Variants in EPHB1 observed in about 807,000 individuals in gnomAD.
EPHB1 encodes the protein ephrin type-B receptor 1.
Under a neutral mutation model 94.4 loss-of-function variants are expected in EPHB1, and 30 were observed. That is an observed-to-expected ratio of 0.32 (90% confidence interval 0.24 to 0.43). The LOEUF (loss-of-function observed/expected upper bound fraction) is 0.43. Among genes scored for constraint, EPHB1 ranks in the 20% least tolerant of loss-of-function variants. EPHB1 has a pLI of 1.00. For synonymous variants in EPHB1, 522 were observed against 489.1 expected (o/e 1.07, Z -0.89); for missense variants, 1,055 against 1,308.3 (o/e 0.81, Z 2.99).
At chr3:134,982,673 AT>A (rs1375432750) in intron 3 of EPHB1, among the ~76,000 whole-genome samples, 2 of 152,222 alleles carry the variant, frequency 1.3e-5, no homozygotes, top group Non-Finnish European at 2.9e-5. Context: ...AAAAGGAAAT[AT>A]TTTTGAAAAA....
At chr3:135,254,852 CTT>C (rs955347484) in intron 15 of EPHB1, among the ~76,000 whole-genome samples, 1 of 151,976 alleles carries the variant, frequency 6.6e-6, no homozygotes, top group Admixed American at 6.6e-5. Flanking sequence ...GTCCTGGACT[CTT>C]TTTGGTTGGT....
intron 12 of EPHB1, among the ~76,000 whole-genome samples, chr3:135,234,992 A>G (rs1022904582): frequency 6.6e-6 from 1 of 151,620 alleles, no homozygotes; most frequent in African/African-American, 2.4e-5. Flanking sequence ...TTGCTCATCA[A>G]CACAAATACC....
intron 1 of EPHB1, among the ~76,000 whole-genome samples, chr3:134,864,072 T>C (rs1223432088): frequency 6.6e-6 from 1 of 152,210 alleles, no homozygotes; most frequent in East Asian, 1.9e-4. Context: ...TCCTGTCCTC[T>C]GTCCTCTAAG....
At chr3:134,855,407 A>C (rs1283857913) in intron 1 of EPHB1, among the ~76,000 whole-genome samples, 1 of 152,158 alleles carries the variant, frequency 6.6e-6, no homozygotes, top group Non-Finnish European at 1.5e-5. Flanking sequence ...CACACTGGAG[A>C]GAAGTTCAAA....
At chr3:134,837,173 G>T (rs2036686834) in intron 1 of EPHB1, among the ~76,000 whole-genome samples, 1 of 152,186 alleles carries the variant, frequency 6.6e-6, no homozygotes, top group African/African-American at 2.4e-5. Flanking sequence ...CGAGCAACCA[G>T]TGCATCAGGT....
At chr3:135,082,714 A>C (rs1041229211) in intron 3 of EPHB1, among the ~76,000 whole-genome samples, 1 of 152,240 alleles carries the variant, frequency 6.6e-6, no homozygotes, top group Admixed American at 6.5e-5. Context: ...TGTGAGCAAA[A>C]TATTGGAACA....
At chr3:134,893,346 G>A (rs879547929) in intron 1 of EPHB1, among the ~76,000 whole-genome samples, 14 of 152,180 alleles carry the variant, frequency 9.2e-5, no homozygotes, top group Admixed American at 3.3e-4. Flanking sequence ...ACACTTCAGT[G>A]GTTTCCTTTT....
At chr3:134,978,132 C>G in intron 3 of EPHB1, 1 of 388,298 alleles carries the variant, frequency 2.6e-6, no homozygotes, top group Non-Finnish European at 5.0e-6. Flanking sequence ...CCTTTCTCCC[C>G]TCAGAAGCCC....
At position 134,958,311 on chromosome 3, in the gene EPHB1, C is replaced by T. The variant is rs79169948; in HGVS notation, c.805+6259C>T. ...AGCTCTTCTTGGAAAAAGAGGTTTTCGGGGCCTGCTTCCATCTCCCTTAGG... is the reference window on the plus strand; with the variant it reads ...AGCTCTTCTTGGAAAAAGAGGTTTTTGGGGCCTGCTTCCATCTCCCTTAGG... On this transcript the variant is annotated intron_variant, in intron 3 of 15. Transcript: ENST00000398015. Among the ~76,000 whole-genome samples, 928 of 152,176 alleles carry T rather than the reference C, an allele frequency of 6.1e-3. 3 individuals are homozygous for T. Among genetic ancestry groups the T allele is most frequent in the African/African-American group, 0.02 (843 of 41,510 alleles).
intron 3 of EPHB1, among the ~76,000 whole-genome samples, chr3:135,004,215 T>G (rs1935300750): frequency 6.6e-6 from 1 of 150,572 alleles, no homozygotes; most frequent in Admixed American, 6.6e-5. Flanking sequence ...CCTTCACTTA[T>G]GAAGCTTAGT....
Position 134,861,594 on chromosome 3 carries a change from C to T in EPHB1, c.59-64222C>T, listed in dbSNP as rs1002500098. 5.9e-5 allele frequency among the ~76,000 whole-genome samples: 9 copies of T among 151,994 alleles called. No individual in the cohort carries two copies. In the South Asian group the frequency reaches 1.0e-3, roughly 18 times the overall value. On this transcript the variant is annotated intron_variant, in intron 1 of 15. Coordinates refer to ENST00000398015, the MANE Select transcript of EPHB1 (RefSeq NM_004441.5). ...GAGGAAAAACTGTGTGAAAGAGTTA[C>T]GGAAGGGATGGGAGCGGGGAGAGTG...
rs553545620 is a variant in EPHB1 at position 134,965,691 on chromosome 3, C to T, written c.805+13639C>T. Among the ~76,000 whole-genome samples the T allele has an allele frequency of 3.3e-5, 5 of 152,258 alleles. No individual in the cohort carries two copies. The South Asian group carries it at 6.2e-4, about 19-fold the overall frequency. On this transcript the variant is annotated intron_variant, in intron 3 of 15. Transcript: ENST00000398015. The stretch of plus-strand genomic sequence containing the variant: ...TCAAAGGGTCGACTACCCTTCTGCC[C>T]GCTTGTAGAGAGAGCCTAAATTCGA...
At chr3:134,863,824 G>T (rs1415618562) in intron 1 of EPHB1, among the ~76,000 whole-genome samples, 1 of 152,212 alleles carries the variant, frequency 6.6e-6, no homozygotes, top group African/African-American at 2.4e-5. Flanking sequence ...CTGGCATCCT[G>T]TTCTGTCCAG....
chr3:135,035,141 T>C (rs530438894), intron 3 of EPHB1, among the ~76,000 whole-genome samples: 7 of 152,328 alleles, frequency 4.6e-5, no homozygotes, highest in Admixed American at 2.0e-4. Context: ...TGGAGTCACA[T>C]GGCCTTAGCC....
chr3:135,010,713 G>A (rs367562334), intron 3 of EPHB1, among the ~76,000 whole-genome samples: 156 of 152,044 alleles, frequency 1.0e-3, no homozygotes, highest in South Asian at 1.9e-3. Flanking sequence ...ACAGGCAAGC[G>A]CCACCACGCC....
In EPHB1 at chr3:134,934,565, G is replaced by C. The variant is rs968104292; in HGVS notation, c.123+8685G>C. On this transcript the variant is annotated intron_variant, in intron 2 of 15. Coordinates refer to ENST00000398015, the MANE Select transcript of EPHB1 (RefSeq NM_004441.5). The stretch of plus-strand genomic sequence containing the variant: ...GCTTTCCTATGAGACTGTTTTTATG[G>C]GCATGTGTATGCATTTAACAGAAAG... Among the ~76,000 whole-genome samples the C allele has an allele frequency of 6.6e-5, 10 of 152,246 alleles. No individual in the cohort carries two copies. The South Asian group carries it at 2.1e-3, about 32-fold the overall frequency.
rs540927351 is a variant in EPHB1, at chr3:135,008,273, A to G, written c.805+56221A>G. Among the ~76,000 whole-genome samples the G allele has an allele frequency of 1.9e-3, 296 of 152,356 alleles. 1 individual carries two copies. The highest frequency in any genetic ancestry group is 3.4e-3 in the Non-Finnish European group (234 of 68,036). On this transcript the variant is annotated intron_variant, in intron 3 of 15. Transcript: ENST00000398015. ...AGTGCTTACTATGTGTCCTATGCACACTTACAATGTGAACTCATTTGATTC... is the reference window on the plus strand; with the variant it reads ...AGTGCTTACTATGTGTCCTATGCACGCTTACAATGTGAACTCATTTGATTC...
chr3:135,030,955 C>G (rs1221181320), intron 3 of EPHB1, among the ~76,000 whole-genome samples: 1 of 152,176 alleles, frequency 6.6e-6, no homozygotes, highest in Non-Finnish European at 1.5e-5. Context: ...GTCGGAAAAG[C>G]GCAGTATTCG....
intron 1 of EPHB1, among the ~76,000 whole-genome samples, chr3:134,888,727 A>G (rs2037907611): frequency 1.3e-5 from 2 of 151,974 alleles, no homozygotes; most frequent in Non-Finnish European, 1.5e-5. Flanking sequence ...AAAAAAAGAA[A>G]GATAGCTTTT....
Sources: gnomAD v4.1 joint callset for allele counts (sites outside exome capture counted in the v4.1 genomes callset) on GRCh38, gnomAD v4.1.1 for gene constraint, MANE v1.5 for transcripts, NCBI Gene and HGNC (gene_info 2026-07-23, HGNC 2026-07-21) for gene names.